PPIG: variants seen among roughly 807,000 people sequenced by gnomAD.
The protein encoded by PPIG is peptidylprolyl isomerase G.
Under a neutral mutation model 87.9 loss-of-function variants are expected in PPIG, and 26 were observed. The observed-to-expected ratio is 0.30, with a 90% CI of 0.22 to 0.41. The LOEUF is 0.41. PPIG is among the 10% of genes least tolerant of loss of function. The pLI is 1.00. For synonymous variants in PPIG, 308 were observed against 276.5 expected, an observed-to-expected ratio of 1.11 and a Z score of -1.13; for missense variants, 722 against 879.4, an observed-to-expected ratio of 0.82 and a Z score of 2.26.
chr2:169,605,649 A>G lies in PPIG; in HGVS notation c.137-390A>G, dbSNP rs951041686. Among the ~76,000 whole-genome samples, 3 of 150,864 alleles carry G rather than the reference A, an allele frequency of 2.0e-5. No individual in the cohort carries two copies. The East Asian group carries it at 5.9e-4, about 29-fold the overall frequency. On this transcript the variant is annotated intron_variant, in intron 4 of 13. Coordinates refer to ENST00000260970, the MANE Select transcript of PPIG (RefSeq NM_004792.3). ...AAATTCAGTCTCTACGAAAAAAAAAATTAGCCGGGTGTGGTGACAGGTGCC... is the reference window on the plus strand; with the variant it reads ...AAATTCAGTCTCTACGAAAAAAAAAGTTAGCCGGGTGTGGTGACAGGTGCC...
At chr2:169,600,732 T>G (rs1685157771) in intron 1 of PPIG, among the ~76,000 whole-genome samples, 1 of 151,860 alleles carries the variant, frequency 6.6e-6, no homozygotes, top group South Asian at 2.1e-4. Context: ...CTTACCTGAG[T>G]TTCTTTCATA....
At chr2:169,588,958 CAAAAAAA>C (rs549776875) in intron 1 of PPIG, among the ~76,000 whole-genome samples, 43 of 68,394 alleles carry the variant, frequency 6.3e-4, no homozygotes, top group African/African-American at 2.1e-3. Context: ...AACTCCCTCT[CAAAAAAA>C]AAAAAAAAAA....
chr2:169,602,441 G>A (rs1469151295), intron 1 of PPIG, among the ~76,000 whole-genome samples: 1 of 152,068 alleles, frequency 6.6e-6, no homozygotes, highest in African/African-American at 2.4e-5. Flanking sequence ...TCAGCCTCCT[G>A]AGTAGCTGGG....
intron 9 of PPIG, among the ~76,000 whole-genome samples, chr2:169,622,883 G>A (rs934858971): frequency 6.6e-6 from 1 of 152,124 alleles, no homozygotes; most frequent in Non-Finnish European, 1.5e-5. Context: ...TTGTAACACT[G>A]TGGTATTTAT....
rs2105519861 is a variant in PPIG, at chr2:169,631,887, G to T, written c.883G>T (p.Asp295Tyr). ...AATGAGAAAAAGTCCTCCTAAAGCT[G>T]ATGAGAAGGAAAGGAAAAACAGAGA... is the stretch of plus-strand genomic sequence containing the variant. ...FLMRKSPPKA[D>Y]EKERKNRERE... is the part of the protein sequence containing the mutation. The change falls in exon 11 of 14, where the codon GAT becomes TAT. Residue 295 changes from aspartate to tyrosine, a missense_variant. Around this residue, in one of 4 missense-constraint regions of PPIG, gnomAD observed 142 missense variants for 152.8 expected, o/e 0.93. Coordinates refer to ENST00000260970, the MANE Select transcript of PPIG (RefSeq NM_004792.3). The T allele has an allele frequency of 6.2e-7, 1 of 1,608,888 alleles. No individual in the cohort carries two copies. Among genetic ancestry groups the T allele is most frequent in the Middle Eastern group, 1.7e-4 (1 of 6,048 alleles).
chr2:169,591,911 C>CA (rs1684873714), intron 1 of PPIG, among the ~76,000 whole-genome samples: 2 of 138,718 alleles, frequency 1.4e-5, no homozygotes, highest in African/African-American at 5.2e-5. Flanking sequence ...TATTTTTAGG[C>CA]AATTCATGAT....
chr2:169,594,835 G>C (rs1684976835), intron 1 of PPIG, among the ~76,000 whole-genome samples: 1 of 151,778 alleles, frequency 6.6e-6, no homozygotes, highest in Non-Finnish European at 1.5e-5. Flanking sequence ...ACCATGTTGG[G>C]CTGGCTAGTC....
chr2:169,606,615 A>C (rs1264609888), intron 5 of PPIG, among the ~76,000 whole-genome samples: 1 of 149,594 alleles, frequency 6.7e-6, no homozygotes, highest in Non-Finnish European at 1.5e-5. Context: ...AAAAGAAGGA[A>C]GCTCATAGAA....
intron 7 of PPIG, among the ~76,000 whole-genome samples, chr2:169,610,555 GTC>G (rs909904866): frequency 6.6e-6 from 1 of 150,706 alleles, no homozygotes; most frequent in African/African-American, 2.4e-5. Context: ...ACTGTGAAGT[GTC>G]TCTCCCACCC....
intron 1 of PPIG, among the ~76,000 whole-genome samples, chr2:169,598,800 TATAA>T (rs1477180300): frequency 4.9e-5 from 6 of 123,102 alleles, no homozygotes; most frequent in African/African-American, 1.6e-4. Flanking sequence ...ATCAAAGTAT[TATAA>T]ATATTTATAT....
chr2:169,634,235 A>AT (rs1238460381), intron 12 of PPIG, among the ~76,000 whole-genome samples: 16 of 151,566 alleles, frequency 1.1e-4, no homozygotes, highest in Non-Finnish European at 1.9e-4. Flanking sequence ...TAATTTTTGT[A>AT]TTTTTTTGTA....
At chr2:169,600,327 A>G (rs891214013) in intron 1 of PPIG, among the ~76,000 whole-genome samples, 6 of 152,196 alleles carry the variant, frequency 3.9e-5, no homozygotes, top group Non-Finnish European at 7.4e-5. Flanking sequence ...TGCCTGCTTC[A>G]GCCCCCCAAA....
intron 9 of PPIG, among the ~76,000 whole-genome samples, chr2:169,625,131 GTACAA>G (rs1685850651): frequency 6.6e-6 from 1 of 152,110 alleles, no homozygotes; most frequent in African/African-American, 2.4e-5. Flanking sequence ...ATTTTGAAAT[GTACAA>G]TACATTATTA....
chr2:169,591,878 T>A (rs1294571538), intron 1 of PPIG, among the ~76,000 whole-genome samples: 1 of 150,732 alleles, frequency 6.6e-6, no homozygotes, highest in African/African-American at 2.4e-5. Flanking sequence ...ACTACTACAC[T>A]GAAAATTTTG....
chr2:169,635,940 A>C (rs898926329), intron 12 of PPIG, 152 bp from the exon 13 acceptor site: 42 of 426,940 alleles, frequency 9.8e-5, no homozygotes, highest in Non-Finnish European at 1.7e-4. Context: ...ATATACTTTT[A>C]AGCTACTGTT....
At chr2:169,606,959 A>G (rs1685348138) in intron 5 of PPIG, 145 bp from the exon 6 acceptor site, 1 of 636,828 alleles carries the variant, frequency 1.6e-6, no homozygotes, top group South Asian at 2.0e-5. Flanking sequence ...CGTTATTGAC[A>G]TTAATATCTT....
rs371374002 is a variant in PPIG, at chr2:169,607,123, A to G, written c.264A>G (p.Glu88=). 2 of 1,567,630 alleles carry G rather than the reference A, an allele frequency of 1.3e-6. No homozygotes were observed. The highest frequency in any genetic ancestry group is 1.8e-6 in the Non-Finnish European group (2 of 1,142,750). ...TTTTAGGAAATGGACGAGGAGGGGA[A>G]TCTATCTATGGAGGATTTTTTGAAG... The part of the protein sequence containing the change: ...DFSEGNGRGG[E]SIYGGFFEDE... The change falls in exon 6 of 14, where the codon GAA becomes GAG. Residue 88 remains glutamate (E), a synonymous_variant. Transcript: ENST00000260970.
rs138765663 is a variant in PPIG at position 169,636,243 on chromosome 2, T to C, written c.1154+15T>C. 1.6e-5 allele frequency: 26 copies of C among 1,576,660 alleles called. No individual in the cohort carries two copies. The African/African-American group carries it at 3.1e-4, about 19-fold the overall frequency. On this transcript the variant is annotated intron_variant, in intron 13 of 13. Transcript: ENST00000260970. ...AAGGGGGATAAGTAAGATTTAACTA[T>C]TATTATTTCAAATGTAATGATAAGT...
In PPIG at chr2:169,641,001, CTTT is replaced by C. The variant is rs1012379919; in HGVS notation, c.*3483_*3485del. ...TGGTGGGGTGGATTTGTGTTTCTGA[CTTT>C]TTTTCTTTAAGCAAATTCCATATGT... is the stretch of plus-strand genomic sequence containing the variant. On this transcript the variant is annotated 3_prime_UTR_variant, in exon 14 of 14. Transcript: ENST00000260970. 1 of 152,102 alleles carries C rather than the reference CTTT, an allele frequency of 6.6e-6. No homozygotes were observed. Among genetic ancestry groups the C allele is most frequent in the African/African-American group, 2.4e-5 (1 of 41,418 alleles). 9.4% of individuals were successfully genotyped at this position (152,102 alleles called of 1,614,324 possible). A position where few individuals can be genotyped will look rare whatever the true frequency, so the allele number is the denominator to read the frequency against.
Sources: allele counts gnomAD v4.1 joint callset (sites outside exome capture counted in the v4.1 genomes callset), GRCh38; gene constraint gnomAD v4.1.1; regional missense constraint gnomAD v4.1.1; transcripts MANE v1.5; gene names NCBI Gene and HGNC (gene_info 2026-07-23, HGNC 2026-07-21).